The following EVC2 variants were observed in gnomAD, a reference collection of about 807,000 sequenced individuals.
EVC2 encodes EvC ciliary complex subunit 2.
In EVC2, 148 loss-of-function variants were observed where a neutral mutation model predicts 149.3. The observed-to-expected ratio is 0.99, with a 90% CI of 0.87 to 1.14. The LOEUF (loss-of-function observed/expected upper bound fraction) is 1.14. Ranked by LOEUF, EVC2 falls within the 50% of genes most tolerant of loss-of-function variation. The pLI is 0.00. For missense variants in EVC2, 1,854 were observed against 1,627.3 expected, an observed-to-expected ratio of 1.14 and a Z score of -2.40; for synonymous variants, 776 against 649.9, an observed-to-expected ratio of 1.19 and a Z score of -2.95.
In EVC2 at chr4:5,544,261, A is replaced by AG. The variant is rs57030585; in HGVS notation, c.3420-1050_3420-1049insC. Among the ~76,000 whole-genome samples, 680 of 152,292 alleles carry AG rather than the reference A, an allele frequency of 4.5e-3. 2 individuals are homozygous for AG. Among genetic ancestry groups the AG allele is most frequent in the Middle Eastern group, 0.027 (8 of 294 alleles). ...TGAAGTTGTTATGGAAAAAAAAAAAAAGAGAGAAAATTCTGTTTTCACAAC... is the reference window on the plus strand; with the variant it reads ...TGAAGTTGTTATGGAAAAAAAAAAAAGAGAGAGAAAATTCTGTTTTCACAAC... On this transcript the variant is annotated intron_variant and NMD_transcript_variant, in intron 21 of 22. Coordinates refer to the EVC2 transcript ENST00000475313.
rs1182310297 is a variant in EVC2 at position 5,670,403 on chromosome 4, T to C, written c.871-4754A>G. On this transcript the variant is annotated intron_variant, in intron 7 of 21. Transcript: ENST00000344408. The surrounding 1 kb of genome is among the most constrained non-coding windows in gnomAD (Gnocchi z 5.2). ...ATCAACATCATCAATATCTCCATCA[T>C]TTTCATCTTTACCATCACCATCAAC... Among the ~76,000 whole-genome samples the C allele has an allele frequency of 4.7e-5, 7 of 148,458 alleles. No homozygotes were observed. The highest frequency in any genetic ancestry group is 3.7e-3 in the Middle Eastern group (1 of 268).
intron 5 of EVC2, 80 bp downstream of exon 5, chr4:5,689,077 T>C (rs1720922835): frequency 9.9e-6 from 15 of 1,512,284 alleles, no homozygotes; most frequent in Non-Finnish European, 9.1e-6. Context: ...AGAACATGCC[T>C]GACCCAGAAC....
At chr4:5,572,121 A>G (rs1023955693) in intron 19 of EVC2, among the ~76,000 whole-genome samples, 1 of 152,150 alleles carries the variant, frequency 6.6e-6, no homozygotes, top group Non-Finnish European at 1.5e-5. Context: ...TTATTAATAC[A>G]CAGGAGTTGG....
At position 5,569,791 on chromosome 4, in the gene EVC2, G is replaced by C. The variant is rs77060619; in HGVS notation, c.3361-1151C>G. Among the ~76,000 whole-genome samples, 2 of 151,934 alleles carry C rather than the reference G, an allele frequency of 1.3e-5. No homozygotes were observed. The highest frequency in any genetic ancestry group is 4.8e-5 in the African/African-American group (2 of 41,330). On this transcript the variant is annotated intron_variant, in intron 19 of 21. Transcript: ENST00000344408. The surrounding 1 kb of genome is among the most constrained non-coding windows in gnomAD (Gnocchi z 4.8). ...GACCCCTTGGAAACATGGGGTCGCT[G>C]TGACCTTGGTAAGTGCTTTCAGTGA...
rs1716912591 is a variant in EVC2 at position 5,636,756 on chromosome 4, T to C, written c.1470+3758A>G. On this transcript the variant is annotated intron_variant, in intron 10 of 21. Transcript: ENST00000344408. This position sits in a 1 kb window ranked among gnomAD's most constrained non-coding sequence, Gnocchi z 4.6. ...CTCAGGAAAGCTGATACTGCTCCTT[T>C]TGCTTTTCTTTTTTAAAACTAATTC... 6.6e-6 allele frequency among the ~76,000 whole-genome samples: 1 copy of C among 152,168 alleles called. No homozygotes were observed. The highest frequency in any genetic ancestry group is 1.5e-5 in the Non-Finnish European group (1 of 68,028).
At chr4:5,695,631 C>T (rs534075457) in intron 2 of EVC2, among the ~76,000 whole-genome samples, 38 of 152,314 alleles carry the variant, frequency 2.5e-4, no homozygotes, top group African/African-American at 8.7e-4. Flanking sequence ...AGCAGCCAAT[C>T]AAATGCCACA....
At chr4:5,547,330 T>C (rs1306375533) in intron 21 of EVC2, among the ~76,000 whole-genome samples, 1 of 152,226 alleles carries the variant, frequency 6.6e-6, no homozygotes, top group Non-Finnish European at 1.5e-5. Context: ...AGGTGCCTCT[T>C]GGCACCTACA....
At position 5,670,713 on chromosome 4, in the gene EVC2, C is replaced by G. The variant is rs780863798; in HGVS notation, c.871-5064G>C. ...CCATCATTATCAACATCATCAATAT[C>G]TCCATCACCATCATCTTCACCATCA... is the stretch of plus-strand genomic sequence containing the variant. On this transcript the variant is annotated intron_variant, in intron 7 of 21. Coordinates refer to ENST00000344408, the MANE Select transcript of EVC2 (RefSeq NM_147127.5). The surrounding 1 kb of genome is among the most constrained non-coding windows in gnomAD (Gnocchi z 5.2). Among the ~76,000 whole-genome samples, 8 of 151,994 alleles carry G rather than the reference C, an allele frequency of 5.3e-5. No individual in the cohort carries two copies. Among genetic ancestry groups the G allele is most frequent in the Non-Finnish European group, 8.8e-5 (6 of 68,004 alleles).
chr4:5,670,984 A>T lies in EVC2; in HGVS notation c.871-5335T>A, dbSNP rs534166990. Among the ~76,000 whole-genome samples the T allele has an allele frequency of 6.6e-6, 1 of 152,286 alleles. No individual in the cohort carries two copies. The highest frequency in any genetic ancestry group is 2.4e-5 in the African/African-American group (1 of 41,568). On this transcript the variant is annotated intron_variant, in intron 7 of 21. Transcript: ENST00000344408. This position sits in a 1 kb window ranked among gnomAD's most constrained non-coding sequence, Gnocchi z 5.2. ...CACGCCCACCACCATCAACACCATC[A>T]TGACACCATCAGCGGCAGCAACACC...
chr4:5,607,762 T>C (rs1266482488), intron 16 of EVC2, among the ~76,000 whole-genome samples: 1 of 152,032 alleles, frequency 6.6e-6, no homozygotes, highest in East Asian at 1.9e-4. Flanking sequence ...AACTTCCAAA[T>C]GCTTGATGGA....
At chr4:5,680,619 T>C (rs1720276770) in intron 7 of EVC2, among the ~76,000 whole-genome samples, 1 of 152,204 alleles carries the variant, frequency 6.6e-6, no homozygotes, top group African/African-American at 2.4e-5. Context: ...ACTGGGCAAA[T>C]CACTTGACTT....
chr4:5,577,572 G>A (rs1254748941), intron 17 of EVC2, among the ~76,000 whole-genome samples: 2 of 152,114 alleles, frequency 1.3e-5, no homozygotes, highest in Non-Finnish European at 2.9e-5. Context: ...TCTGCAGAAA[G>A]GCCAAAGCTT....
rs1715080291 is a variant in EVC2, at chr4:5,614,411, C to A, written c.2829+1011G>T. Among the ~76,000 whole-genome samples the A allele has an allele frequency of 6.6e-6, 1 of 152,100 alleles. No individual in the cohort carries two copies. The highest frequency in any genetic ancestry group is 1.5e-5 in the Non-Finnish European group (1 of 68,018). On this transcript the variant is annotated intron_variant, in intron 16 of 21. Coordinates refer to ENST00000344408, the MANE Select transcript of EVC2 (RefSeq NM_147127.5). This position sits in a 1 kb window ranked among gnomAD's most constrained non-coding sequence, Gnocchi z 4.7. ...ACAGCGCCTGGGACACTGTTGCCTC[C>A]CCAAAATACTTGTGGAACAAATTAA... is the stretch of plus-strand genomic sequence containing the variant.
At chr4:5,682,490 CAA>C (rs772121177) in intron 6 of EVC2, among the ~76,000 whole-genome samples, 4 of 141,924 alleles carry the variant, frequency 2.8e-5, no homozygotes, top group Non-Finnish European at 4.6e-5. Context: ...AATGCTGTCT[CAA>C]AAAAAAAAAA....
intron 15 of EVC2, among the ~76,000 whole-genome samples, chr4:5,617,642 A>AG (rs1355727817): frequency 2.0e-5 from 3 of 152,188 alleles, no homozygotes; most frequent in Non-Finnish European, 4.4e-5. Flanking sequence ...GCCTAGGGAG[A>AG]GGGTAATTTT....
chr4:5,660,978 G>A (rs28602724), intron 9 of EVC2, among the ~76,000 whole-genome samples: 36,267 of 151,976 alleles, frequency 0.24, 4,649 homozygotes, highest in East Asian at 0.47. Flanking sequence ...CGTGACATGA[G>A]CACCAAATTA....
intron 9 of EVC2, among the ~76,000 whole-genome samples, chr4:5,643,805 C>G (rs1156863056): frequency 1.3e-5 from 2 of 152,096 alleles, no homozygotes; most frequent in Admixed American, 1.3e-4. Context: ...CCTGTAACCC[C>G]AGCTACTCGG....
chr4:5,706,338 ATAC>A (rs1172876870), intron 1 of EVC2, among the ~76,000 whole-genome samples: 2 of 77,990 alleles, frequency 2.6e-5, no homozygotes, highest in Non-Finnish European at 6.2e-5. Context: ...AGATAGATAG[ATAC>A]ATAGATAGAT....
intron 16 of EVC2, among the ~76,000 whole-genome samples, chr4:5,604,301 C>A (rs1169485888): frequency 6.6e-6 from 1 of 152,156 alleles, no homozygotes; most frequent in African/African-American, 2.4e-5. Context: ...CAAAAATCTT[C>A]AAGTTTCAGA....
Sources: allele counts gnomAD v4.1 joint callset (sites outside exome capture counted in the v4.1 genomes callset), GRCh38; gene constraint gnomAD v4.1.1; non-coding constraint Gnocchi (gnomAD v3.1); transcripts MANE v1.5; gene names NCBI Gene and HGNC (gene_info 2026-07-23, HGNC 2026-07-21).